CTNNA2: variants seen among roughly 807,000 people sequenced by gnomAD.
The protein encoded by CTNNA2 is catenin alpha 2.
In CTNNA2, 42 loss-of-function variants were observed where a neutral mutation model predicts 101.0. The observed-to-expected ratio is 0.42, with a 90% CI of 0.32 to 0.54. The LOEUF (loss-of-function observed/expected upper bound fraction) is 0.54. Ranked by LOEUF, CTNNA2 falls within the 20% of genes least tolerant of loss-of-function variation. The pLI is 0.14. For missense variants in CTNNA2, 871 were observed against 1,223.1 expected, an observed-to-expected ratio of 0.71 and a Z score of 4.29; for synonymous variants, 450 against 456.4, an observed-to-expected ratio of 0.99 and a Z score of 0.18.
At chr2:79,961,624 C>G (rs1335240317) in intron 7 of CTNNA2, among the ~76,000 whole-genome samples, 2 of 152,042 alleles carry the variant, frequency 1.3e-5, no homozygotes, top group African/African-American at 4.8e-5. Context: ...AGATAGAGAC[C>G]ATCCTGGCTA....
intron 2 of CTNNA2, chr2:79,687,639 G>A (rs994151739): frequency 1.8e-5 from 12 of 672,672 alleles, no homozygotes; most frequent in African/African-American, 1.5e-4. Context: ...CTTGAAAAAG[G>A]ATACCTGTTG....
chr2:79,621,672 C>G (rs1380904766), intron 1 of CTNNA2, among the ~76,000 whole-genome samples: 1 of 152,210 alleles, frequency 6.6e-6, no homozygotes, highest in Non-Finnish European at 1.5e-5. Context: ...TAGCATAACT[C>G]TCCATTCCTT....
chr2:80,605,835 TAACTC>T (rs1697957404), intron 16 of CTNNA2, among the ~76,000 whole-genome samples: 1 of 151,962 alleles, frequency 6.6e-6, no homozygotes, highest in Non-Finnish European at 1.5e-5. Flanking sequence ...TTGGTTGAGA[TAACTC>T]AAGTACTATG....
At chr2:79,788,143 A>G (rs558635518) in intron 3 of CTNNA2, among the ~76,000 whole-genome samples, 2 of 152,172 alleles carry the variant, frequency 1.3e-5, no homozygotes, top group Non-Finnish European at 2.9e-5. Flanking sequence ...TGGAAACTTT[A>G]TCTGTTAGGC....
chr2:79,489,209 C>G (rs1402501600), intron 4 of CTNNA2, among the ~76,000 whole-genome samples: 1 of 151,872 alleles, frequency 6.6e-6, no homozygotes, highest in African/African-American at 2.4e-5. Context: ...CAGTTATTTA[C>G]TCATTATTTT....
At chr2:79,519,300 A>G (rs1256503526) in intron 1 of CTNNA2, among the ~76,000 whole-genome samples, 1 of 150,652 alleles carries the variant, frequency 6.6e-6, no homozygotes, top group Non-Finnish European at 1.5e-5. Context: ...TACTGCACTT[A>G]TGCCTTTCAT....
intron 3 of CTNNA2, among the ~76,000 whole-genome samples, chr2:79,366,931 T>C (rs1052679898): frequency 6.6e-6 from 1 of 152,208 alleles, no homozygotes; most frequent in Non-Finnish European, 1.5e-5. Context: ...CACTGAGACA[T>C]TTAAACAGAA....
chr2:79,430,928 T>C (rs1361971021), intron 4 of CTNNA2, among the ~76,000 whole-genome samples: 1 of 152,170 alleles, frequency 6.6e-6, no homozygotes, highest in Non-Finnish European at 1.5e-5. Context: ...TAAATTAAAA[T>C]TGTTGTATTT....
At chr2:80,203,265 A>G (rs1327328006) in intron 7 of CTNNA2, among the ~76,000 whole-genome samples, 2 of 152,172 alleles carry the variant, frequency 1.3e-5, no homozygotes, top group Non-Finnish European at 2.9e-5. Flanking sequence ...ACAGCCCTCC[A>G]AAGTCTCCAC....
rs187401513 is a variant in CTNNA2, at chr2:79,244,912, T to C, written c.-406+46836T>C. Among the ~76,000 whole-genome samples the C allele has an allele frequency of 3.3e-5, 5 of 151,802 alleles. No individual in the cohort carries two copies. In the East Asian group the frequency reaches 9.8e-4, roughly 30 times the overall value. ...GAGTTTGAGACCAGCCTGACCAACA[T>C]GGTGAAATCCCATCTTTACTAAAAA... is the stretch of plus-strand genomic sequence containing the variant. On this transcript the variant is annotated intron_variant, in intron 2 of 21. Transcript: ENST00000466387.
At chr2:79,781,736 A>G (rs557382266) in intron 3 of CTNNA2, among the ~76,000 whole-genome samples, 57 of 152,202 alleles carry the variant, frequency 3.7e-4, no homozygotes, top group Non-Finnish European at 7.2e-4. Flanking sequence ...TGGGGCAATT[A>G]TATGTAAAAC....
intron 2 of CTNNA2, among the ~76,000 whole-genome samples, chr2:79,656,156 A>G (rs896271848): frequency 1.3e-5 from 2 of 152,178 alleles, no homozygotes; most frequent in African/African-American, 4.8e-5. Context: ...CTTCCCTACA[A>G]TACATGACTG....
chr2:79,827,522 A>C (rs749730228), intron 3 of CTNNA2, among the ~76,000 whole-genome samples: 18 of 152,218 alleles, frequency 1.2e-4, no homozygotes, highest in Non-Finnish European at 1.5e-4. Flanking sequence ...TTCAAGGAGC[A>C]GTGAGCCTGC....
intron 3 of CTNNA2, among the ~76,000 whole-genome samples, chr2:79,340,799 A>G (rs753049932): frequency 3.0e-5 from 4 of 133,780 alleles, no homozygotes; most frequent in Admixed American, 9.0e-5. Context: ...GCGCCACTGC[A>G]CTCCAGCCTG....
chr2:79,926,530 C>T (rs549630822), intron 7 of CTNNA2, among the ~76,000 whole-genome samples: 8 of 151,996 alleles, frequency 5.3e-5, no homozygotes, highest in South Asian at 2.1e-4. Flanking sequence ...TTTAGCAGAA[C>T]GAATGCTTAC....
At chr2:80,601,704 T>G (rs1048966000) in intron 15 of CTNNA2, 1 of 152,020 alleles carries the variant, frequency 6.6e-6, no homozygotes, top group African/African-American at 2.4e-5. Flanking sequence ...TTCTATATCT[T>G]TTTGGTTTAG....
intron 4 of CTNNA2, among the ~76,000 whole-genome samples, chr2:79,425,828 G>A (rs1678587335): frequency 6.6e-6 from 1 of 152,056 alleles, no homozygotes; most frequent in African/African-American, 2.4e-5. Context: ...ATATTGCTAA[G>A]AAAATAAAGA....
chr2:80,191,059 G>T lies in CTNNA2; in HGVS notation c.1057-202152G>T, dbSNP rs1186422657. 2.0e-5 allele frequency among the ~76,000 whole-genome samples: 3 copies of T among 152,276 alleles called. No individual in the cohort carries two copies. In the East Asian group the frequency reaches 5.8e-4, roughly 29 times the overall value. On this transcript the variant is annotated intron_variant, in intron 7 of 18. Coordinates refer to ENST00000402739, the MANE Select transcript of CTNNA2 (RefSeq NM_001282597.3). ...TATGGTGACCTTAAACTTCCTCAGT[G>T]AAATGTTCTCTATCATAGTCATATT... is the stretch of plus-strand genomic sequence containing the variant.
chr2:79,863,803 A>C (rs1021503543), intron 4 of CTNNA2, among the ~76,000 whole-genome samples: 10 of 152,138 alleles, frequency 6.6e-5, no homozygotes, highest in Non-Finnish European at 1.0e-4. Flanking sequence ...ACTTGATGAC[A>C]AAGGAGTCAC....
Sources: gnomAD v4.1 joint callset for allele counts (sites outside exome capture counted in the v4.1 genomes callset) on GRCh38, gnomAD v4.1.1 for gene constraint, MANE v1.5 for transcripts, NCBI Gene and HGNC (gene_info 2026-07-23, HGNC 2026-07-21) for gene names.